The following ZPBP variants were observed in gnomAD, a reference collection of about 807,000 sequenced individuals.
ZPBP encodes the protein zona pellucida-binding protein 1.
A neutral mutation model predicts 44.8 loss-of-function variants in ZPBP; 26 were observed. The observed-to-expected ratio is 0.58, with a 90% CI of 0.43 to 0.81. ZPBP has a LOEUF of 0.81. Ranked by LOEUF, ZPBP falls within the 30% of genes least tolerant of loss-of-function variation. The pLI is 0.00. For missense variants in ZPBP, 409 were observed against 434.0 expected (o/e 0.94, Z 0.51); for synonymous variants, 174 against 153.2 (o/e 1.14, Z -1.00).
chr7:49,895,434 G>A (rs1481693802), intron 2 of ZPBP, among the ~76,000 whole-genome samples: 4 of 152,140 alleles, frequency 2.6e-5, no homozygotes, highest in Non-Finnish European at 4.4e-5. Context: ...ACATACTCAT[G>A]GAGTCCAGAT....
At chr7:49,873,189 T>A (rs1240954050) in intron 2 of ZPBP, among the ~76,000 whole-genome samples, 1 of 152,200 alleles carries the variant, frequency 6.6e-6, no homozygotes, top group Non-Finnish European at 1.5e-5. Flanking sequence ...CGGGCTGCTA[T>A]AACAAAATAC....
downstream of ZPBP, among the ~76,000 whole-genome samples, chr7:49,849,267 G>A (rs1012808975): frequency 2.0e-5 from 3 of 152,142 alleles, no homozygotes; most frequent in Non-Finnish European, 2.9e-5. Context: ...GAATTTCCCC[G>A]AGGAGAGAGA....
chr7:49,860,667 T>G (rs1017189143), intron 2 of ZPBP, among the ~76,000 whole-genome samples: 5 of 152,374 alleles, frequency 3.3e-5, no homozygotes, highest in Middle Eastern at 3.4e-3. Context: ...AAGGACTGAA[T>G]TATTTCCCCC....
At chr7:49,967,757 G>C (rs1338331889) in intron 7 of ZPBP, among the ~76,000 whole-genome samples, 5 of 152,084 alleles carry the variant, frequency 3.3e-5, no homozygotes, top group Non-Finnish European at 7.4e-5. Context: ...TGTTGGTCAG[G>C]CTGGTCTTGA....
At position 50,033,678 on chromosome 7, in the gene ZPBP, G is replaced by GTTTGTTTGTTTGTTTATTTA. The variant is rs143206693; in HGVS notation, c.488-2369_488-2368insTAAATAAACAAACAAACAAA. 1.7e-3 allele frequency among the ~76,000 whole-genome samples: 259 copies of GTTTGTTTGTTTGTTTATTTA among 148,824 alleles called. 2 individuals are homozygous for GTTTGTTTGTTTGTTTATTTA. Among genetic ancestry groups the GTTTGTTTGTTTGTTTATTTA allele is most frequent in the African/African-American group, 3.0e-3 (122 of 40,432 alleles). ...AACGTCAATAATTATTCTTTCTACA[G>GTTTGTTTGTTTGTTTATTTA]TTTATTTATTTATTTATTTATTTAT... is the stretch of plus-strand genomic sequence containing the variant. On this transcript the variant is annotated intron_variant, in intron 4 of 7. Coordinates refer to ENST00000046087, the MANE Select transcript of ZPBP (RefSeq NM_007009.3).
chr7:50,031,459 T>C (rs1334014350), intron 4 of ZPBP, 149 bp from the exon 5 acceptor site: 1 of 656,368 alleles, frequency 1.5e-6, no homozygotes, highest in Non-Finnish European at 2.5e-6. Context: ...TCTCCAACAC[T>C]TATCTTGCAG....
intron 6 of ZPBP, among the ~76,000 whole-genome samples, chr7:49,992,135 G>A (rs1388771518): frequency 6.6e-6 from 1 of 152,032 alleles, no homozygotes; most frequent in Non-Finnish European, 1.5e-5. Context: ...GTTGGAGGAG[G>A]AAAACTCCAG....
At chr7:50,001,423 C>T (rs1194268565) in intron 6 of ZPBP, among the ~76,000 whole-genome samples, 1 of 152,132 alleles carries the variant, frequency 6.6e-6, no homozygotes, top group African/African-American at 2.4e-5. Flanking sequence ...CTTCTTTGCA[C>T]TCCCATCAGT....
At chr7:50,013,779 A>G (rs2128802578) in intron 6 of ZPBP, among the ~76,000 whole-genome samples, 1 of 152,182 alleles carries the variant, frequency 6.6e-6, no homozygotes, top group Non-Finnish European at 1.5e-5. Flanking sequence ...TCTGATTTTC[A>G]ACTGAAAACT....
chr7:49,962,411 G>C (rs1305911242), intron 7 of ZPBP, among the ~76,000 whole-genome samples: 1 of 151,596 alleles, frequency 6.6e-6, no homozygotes, highest in Non-Finnish European at 1.5e-5. Context: ...ATCTCAATTC[G>C]GGTGTAAAAG....
chr7:49,932,812 A>G (rs550380363), downstream of ZPBP, among the ~76,000 whole-genome samples: 1 of 152,242 alleles, frequency 6.6e-6, no homozygotes, highest in South Asian at 2.1e-4. Flanking sequence ...GGGATAATTG[A>G]ATCATGGAAG....
intron 3 of ZPBP, among the ~76,000 whole-genome samples, chr7:50,065,870 C>G (rs1801477628): frequency 6.6e-6 from 1 of 150,992 alleles, no homozygotes; most frequent in Admixed American, 6.6e-5. Context: ...AAGGCCTGTT[C>G]CTTTTAACTT....
At chr7:49,909,665 C>T (rs1260733228) in intron 1 of ZPBP, among the ~76,000 whole-genome samples, 3 of 152,142 alleles carry the variant, frequency 2.0e-5, no homozygotes, top group Non-Finnish European at 4.4e-5. Flanking sequence ...CCCCTGGAAA[C>T]ACAAGACTGG....
intron 2 of ZPBP, among the ~76,000 whole-genome samples, chr7:50,083,203 A>G (rs1306323990): frequency 1.3e-5 from 2 of 151,890 alleles, no homozygotes; most frequent in African/African-American, 4.8e-5. Flanking sequence ...GAGTTTCCCA[A>G]TGCAAGATCA....
chr7:50,082,057 C>T (rs1911755), intron 2 of ZPBP, among the ~76,000 whole-genome samples, 158 bp from the exon 3 acceptor site: 127,154 of 151,808 alleles, frequency 0.84, 53,283 homozygotes, highest in East Asian at 0.92. Context: ...GCATTCTATG[C>T]AATTAACATT....
chr7:49,937,442 TA>T lies in ZPBP; in HGVS notation c.*85del. The T allele has an allele frequency of 9.7e-7, 1 of 1,035,674 alleles. No homozygotes were observed. Among genetic ancestry groups the T allele is most frequent in the Non-Finnish European group, 1.5e-6 (1 of 671,642 alleles). The allele number at this position is 1,035,674 out of a possible 1,614,324, so 64.2% of individuals were successfully genotyped here. On this transcript the variant is annotated 3_prime_UTR_variant, in exon 8 of 8. Coordinates refer to ENST00000046087, the MANE Select transcript of ZPBP (RefSeq NM_007009.3). ...GACACATTTTTTTGTAAAATATGAT[TA>T]ATTTTGGCATAATAATTTATTATGT...
At position 49,937,477 on chromosome 7, in the gene ZPBP, C is replaced by A. The variant is rs368850724; in HGVS notation, c.*51G>T. The A allele has an allele frequency of 4.5e-6, 6 of 1,326,400 alleles. No homozygotes were observed. The African/African-American group carries it at 7.2e-5, about 16-fold the overall frequency. 82.2% of individuals were successfully genotyped at this position (1,326,400 alleles called of 1,614,324 possible). A position where few individuals can be genotyped will look rare whatever the true frequency, so the allele number is the denominator to read the frequency against. ...ATAATAATTTATTATGTTAATATTT[C>A]AAATATATACTTTGCATTTAATAAA... On this transcript the variant is annotated 3_prime_UTR_variant, in exon 8 of 8. Coordinates refer to ENST00000046087, the MANE Select transcript of ZPBP (RefSeq NM_007009.3).
intron 7 of ZPBP, among the ~76,000 whole-genome samples, chr7:49,976,959 G>A (rs1341512399): frequency 6.6e-6 from 1 of 151,892 alleles, no homozygotes; most frequent in East Asian, 1.9e-4. Context: ...AAAATTACCC[G>A]GGCACGGTGG....
At chr7:49,897,303 G>A (rs545949530) in intron 2 of ZPBP, among the ~76,000 whole-genome samples, 53 of 152,256 alleles carry the variant, frequency 3.5e-4, no homozygotes, top group African/African-American at 1.2e-3. Context: ...CTCATTCCAT[G>A]AAGTTATTAT....
Sources: allele counts gnomAD v4.1 joint callset (sites outside exome capture counted in the v4.1 genomes callset), GRCh38; gene constraint gnomAD v4.1.1; transcripts MANE v1.5; gene names NCBI Gene and HGNC (gene_info 2026-07-23, HGNC 2026-07-21).